Variants in NR3C1 observed in about 807,000 individuals in gnomAD.
NR3C1 encodes the protein nuclear receptor subfamily 3 group C member 1, also known as glucocorticoid receptor.
Under a neutral mutation model 74.0 loss-of-function variants are expected in NR3C1, and 14 were observed. The observed-to-expected ratio is 0.19, with a 90% CI of 0.12 to 0.30. The LOEUF (loss-of-function observed/expected upper bound fraction) is 0.30, where lower values mean the gene tolerates loss of function less well. Ranked by LOEUF, NR3C1 falls within the 10% of genes least tolerant of loss-of-function variation. NR3C1 has a pLI of 1.00. For missense variants in NR3C1, 695 were observed against 909.8 expected (o/e 0.76, Z 3.04); for synonymous variants, 308 against 332.5 (o/e 0.93, Z 0.80).
Position 143,399,915 on chromosome 5 carries a change from C to T in NR3C1, c.925G>A (p.Ala309Thr), listed in dbSNP as rs751023074. 3 of 1,614,064 alleles carry T rather than the reference C, an allele frequency of 1.9e-6. No homozygotes were observed. The highest frequency in any genetic ancestry group is 2.2e-5 in the South Asian group (2 of 91,086). Residue 309 changes from alanine to threonine, a missense_variant, in exon 2 of 9, where the codon GCA becomes ACA. Around this residue, in one of 4 missense-constraint regions of NR3C1, gnomAD observed 497 missense variants for 489.5 expected, o/e 1.02. Coordinates refer to ENST00000394464, the MANE Select transcript of NR3C1 (RefSeq NM_000176.3). ...TVYCQASFPG[A>T]NIIGNKMSAI... is the part of the protein sequence containing the mutation. Reference sequence around the variant, plus strand: ...GACATTTTATTACCAATTATATTTGCTCCAGGAAAGCTTGCCTGACAGTAA... The same window carrying T: ...GACATTTTATTACCAATTATATTTGTTCCAGGAAAGCTTGCCTGACAGTAA...
chr5:143,424,596 T>C (rs1466723005), intron 1 of NR3C1, among the ~76,000 whole-genome samples: 5 of 152,160 alleles, frequency 3.3e-5, no homozygotes, highest in Non-Finnish European at 7.4e-5. Context: ...CAGCAATGAA[T>C]TAGATGTAAT....
Position 143,413,497 on chromosome 5 carries a change from G to A in NR3C1, c.-13-12645C>T, listed in dbSNP as rs545755979. 7.9e-5 allele frequency among the ~76,000 whole-genome samples: 12 copies of A among 152,170 alleles called. No homozygotes were observed. The South Asian group carries it at 2.1e-3, about 26-fold the overall frequency. On this transcript the variant is annotated intron_variant, in intron 1 of 8. Coordinates refer to the NR3C1 transcript ENST00000343796. ...TTTCAGGAGGCATGACTGGATTCAG[G>A]GGCTCAAATGAAGTCCAAAGGGCTT...
At chr5:143,298,250 C>T (rs1046768678) in intron 6 of NR3C1, among the ~76,000 whole-genome samples, 1 of 152,184 alleles carries the variant, frequency 6.6e-6, no homozygotes, top group South Asian at 2.1e-4. Context: ...CAAAGAGATA[C>T]CTCTTGTGTC....
chr5:143,425,973 T>C (rs1026867941), intron 1 of NR3C1, among the ~76,000 whole-genome samples: 1 of 152,180 alleles, frequency 6.6e-6, no homozygotes, highest in African/African-American at 2.4e-5. Context: ...ACAGCCTAAG[T>C]GATCAGCTCA....
chr5:143,364,707 T>A (rs1280253664), intron 2 of NR3C1, among the ~76,000 whole-genome samples: 1 of 152,172 alleles, frequency 6.6e-6, no homozygotes, highest in African/African-American at 2.4e-5. Flanking sequence ...ATTAGATTTT[T>A]TTTTTCCTTC....
intron 7 of NR3C1, among the ~76,000 whole-genome samples, chr5:143,294,580 T>C (rs10482693): frequency 0.013 from 2,041 of 152,320 alleles, 20 homozygotes; most frequent in Middle Eastern, 0.024. Flanking sequence ...GTTTCCACCA[T>C]TGTAGTATCA....
chr5:143,348,007 G>C (rs1476430327), intron 2 of NR3C1, among the ~76,000 whole-genome samples: 2 of 152,046 alleles, frequency 1.3e-5, no homozygotes, highest in African/African-American at 4.8e-5. Flanking sequence ...TTTGGTTTGA[G>C]GACTACACCC....
intron 7 of NR3C1, among the ~76,000 whole-genome samples, chr5:143,288,341 G>C (rs1220274559): frequency 6.6e-6 from 1 of 151,524 alleles, no homozygotes; most frequent in Non-Finnish European, 1.5e-5. Context: ...GGCTGGTCTC[G>C]AACTCCTGAC....
At position 143,361,958 on chromosome 5, in the gene NR3C1, G is replaced by T. The variant is rs538222710; in HGVS notation, c.1184+37698C>A. ...ACGAATTCATTTCCAAAATCAAAGG[G>T]GAGTAACAGTATTTTTAATTATTGG... On this transcript the variant is annotated intron_variant, in intron 2 of 8. Coordinates refer to ENST00000394464, the MANE Select transcript of NR3C1 (RefSeq NM_000176.3). Among the ~76,000 whole-genome samples, 16 of 152,258 alleles carry T rather than the reference G, an allele frequency of 1.1e-4. No homozygotes were observed. In the South Asian group the frequency reaches 3.3e-3, roughly 32 times the overall value.
At chr5:143,362,667 T>C (rs1468620295) in intron 2 of NR3C1, among the ~76,000 whole-genome samples, 1 of 152,098 alleles carries the variant, frequency 6.6e-6, no homozygotes, top group African/African-American at 2.4e-5. Context: ...AGCCAAAGAC[T>C]TGTAATTAAT....
At chr5:143,355,300 A>C (rs1328947097) in intron 2 of NR3C1, among the ~76,000 whole-genome samples, 1 of 152,152 alleles carries the variant, frequency 6.6e-6, no homozygotes, top group East Asian at 1.9e-4. Context: ...CAACCCCAAA[A>C]TTCTAATTTA....
intron 3 of NR3C1, among the ~76,000 whole-genome samples, chr5:143,312,854 C>G (rs1169016988): frequency 1.3e-5 from 2 of 152,182 alleles, no homozygotes; most frequent in Non-Finnish European, 2.9e-5. Flanking sequence ...TGTTAAGTAA[C>G]ATCCACTTTA....
intron 7 of NR3C1, among the ~76,000 whole-genome samples, chr5:143,285,427 A>G (rs1487201447): frequency 6.6e-6 from 1 of 152,212 alleles, no homozygotes; most frequent in Non-Finnish European, 1.5e-5. Flanking sequence ...AATAAGAATA[A>G]ACAAGACTTA....
chr5:143,295,828 C>A (rs1817046197), intron 6 of NR3C1, among the ~76,000 whole-genome samples: 1 of 152,142 alleles, frequency 6.6e-6, no homozygotes, highest in Non-Finnish European at 1.5e-5. Context: ...ATATTATTTT[C>A]TATCATGCAT....
At chr5:143,409,786 G>C (rs890979416) in intron 1 of NR3C1, among the ~76,000 whole-genome samples, 2 of 152,166 alleles carry the variant, frequency 1.3e-5, no homozygotes, top group Non-Finnish European at 1.5e-5. Flanking sequence ...ATTCCTCGTT[G>C]TAATTAGAAT....
chr5:143,435,021 T>C (rs1752044417), exon 1 of NR3C1: 1 of 985,322 alleles, frequency 1.0e-6, no homozygotes, highest in Non-Finnish European at 1.2e-6. Context: ...CTAGTTCAGC[T>C]CAGAGCCACT....
chr5:143,319,889 G>A (rs1009361567), intron 2 of NR3C1, among the ~76,000 whole-genome samples: 1 of 151,816 alleles, frequency 6.6e-6, no homozygotes, highest in Admixed American at 6.6e-5. Flanking sequence ...GCCCTAAACA[G>A]TCCATTCAAG....
In NR3C1 at chr5:143,399,819, G is replaced by A; in HGVS notation, c.1021C>T (p.Leu341Phe). 1 of 1,614,190 alleles carries A rather than the reference G, an allele frequency of 6.2e-7. No homozygotes were observed. Among genetic ancestry groups the A allele is most frequent in the Non-Finnish European group, 8.5e-7 (1 of 1,180,040 alleles). ...MYHYDMNTASLSQQQDQKPIF... is the reference protein window; with the variant it reads ...MYHYDMNTASFSQQQDQKPIF... ...GGCTTCTGATCCTGCTGTTGAGAAA[G>A]GGATGCTGTATTCATGTCATAGTGG... The change falls in exon 2 of 9, where the codon CTT becomes TTT. Residue 341 changes from leucine to phenylalanine, a missense_variant. Physicochemically the swap from Leu to Phe is conservative, Grantham distance 22. This residue lies in a region of NR3C1 where 497 missense variants were observed against 489.5 expected (regional missense o/e 1.02). Transcript: ENST00000394464.
At chr5:143,416,525 A>C (rs1230562094) in intron 1 of NR3C1, among the ~76,000 whole-genome samples, 1 of 151,956 alleles carries the variant, frequency 6.6e-6, no homozygotes, top group Non-Finnish European at 1.5e-5. Flanking sequence ...TCTAGATCCT[A>C]AGGTGAGGGC....
Sources: allele counts gnomAD v4.1 joint callset (sites outside exome capture counted in the v4.1 genomes callset), GRCh38; gene constraint gnomAD v4.1.1; regional missense constraint gnomAD v4.1.1; transcripts MANE v1.5; gene names NCBI Gene and HGNC (gene_info 2026-07-23, HGNC 2026-07-21).